Variants in LAMA4 observed in about 807,000 individuals in gnomAD.
The protein encoded by LAMA4 is laminin subunit alpha-4.
LAMA4 carries 127 observed loss-of-function variants against 207.1 expected under a neutral mutation model. That is an observed-to-expected ratio of 0.61 (90% CI 0.53 to 0.71). The LOEUF (loss-of-function observed/expected upper bound fraction) is 0.71. Ranked by LOEUF, LAMA4 falls within the 30% of genes least tolerant of loss-of-function variation. LAMA4 has a pLI of 0.00. For missense variants in LAMA4, 2,093 were observed against 2,246.5 expected (o/e 0.93, Z 1.38); for synonymous variants, 761 against 816.0 (o/e 0.93, Z 1.15).
chr6:112,168,342 G>GTT (rs1781513065), intron 12 of LAMA4, among the ~76,000 whole-genome samples: 1 of 115,734 alleles, frequency 8.6e-6, no homozygotes, highest in Non-Finnish European at 2.0e-5. Context: ...GGCAGCTAGT[G>GTT]TTCTTTTTTT....
intron 5 of LAMA4, chr6:112,196,445 T>C (rs1441431467): frequency 1.3e-5 from 2 of 152,124 alleles, no homozygotes; most frequent in African/African-American, 4.8e-5. Flanking sequence ...GGATAAAAAA[T>C]GTGGGCTGCT....
intron 24 of LAMA4, among the ~76,000 whole-genome samples, chr6:112,137,921 G>C (rs550139139): frequency 6.9e-4 from 105 of 152,120 alleles, no homozygotes; most frequent in African/African-American, 2.3e-3. Context: ...TCAATGTAAG[G>C]GTATTATCAT....
In LAMA4 at chr6:112,130,191, A is replaced by G. The variant is rs1778947178; in HGVS notation, c.3969-151T>C. 4.5e-6 allele frequency: 3 copies of G among 665,970 alleles called. No homozygotes were observed. The South Asian group carries it at 5.2e-5, about 12-fold the overall frequency. The allele number at this position is 665,970 out of a possible 1,614,324, so 41.3% of individuals were successfully genotyped here. On this transcript the variant is annotated intron_variant, in intron 29 of 38. Transcript: ENST00000230538. ...AGTTGCCAAACTCTTCATGAGGCCC[A>G]GGATAAAATGGTTGGATATTTCTAT... is the stretch of plus-strand genomic sequence containing the variant.
chr6:112,228,431 G>A (rs1043637329), intron 2 of LAMA4, among the ~76,000 whole-genome samples: 3 of 152,254 alleles, frequency 2.0e-5, no homozygotes, highest in Middle Eastern at 3.4e-3. Context: ...ATTTCAGGAG[G>A]GGGCTTGTCA....
At chr6:112,114,523 G>A in intron 37 of LAMA4, 140 bp downstream of exon 37, 1 of 722,900 alleles carries the variant, frequency 1.4e-6, no homozygotes, top group Non-Finnish European at 2.5e-6. Context: ...ACACATAATA[G>A]TATAATAACA....
chr6:112,254,249 C>T lies in LAMA4; in HGVS notation c.-99G>A. On this transcript the variant is annotated 5_prime_UTR_variant, in exon 2 of 39. Coordinates refer to ENST00000230538, the MANE Select transcript of LAMA4 (RefSeq NM_001105206.3). ...CGGCGGTGCCTCGCTTATTTTCCCT[C>T]CTCTCCGTGTGCAGTATCCCGAGGT... 1 of 1,488,338 alleles carries T rather than the reference C, an allele frequency of 6.7e-7. No individual in the cohort carries two copies. Among genetic ancestry groups the T allele is most frequent in the Non-Finnish European group, 9.3e-7 (1 of 1,079,450 alleles). 92.2% of individuals were successfully genotyped at this position (1,488,338 alleles called of 1,614,324 possible).
intron 2 of LAMA4, 108 bp from the exon 3 acceptor site, chr6:112,216,577 T>C: frequency 1.3e-6 from 1 of 750,506 alleles, no homozygotes; most frequent in Non-Finnish European, 2.4e-6. Flanking sequence ...TAAACATTTC[T>C]AAAATGAATA....
rs561600435 is a variant in LAMA4, at chr6:112,243,238, C to T, written c.195+10718G>A. The stretch of plus-strand genomic sequence containing the variant: ...TGGGTTGGTAACCTGTGCTGCAGAT[C>T]AGCCCCAGCCCCACATCTGGAGTTG... On this transcript the variant is annotated intron_variant, in intron 2 of 38. Coordinates refer to ENST00000230538, the MANE Select transcript of LAMA4 (RefSeq NM_001105206.3). Among the ~76,000 whole-genome samples, 8 of 152,182 alleles carry T rather than the reference C, an allele frequency of 5.3e-5. No homozygotes were observed. The East Asian group carries it at 1.5e-3, about 29-fold the overall frequency.
intron 38 of LAMA4, among the ~76,000 whole-genome samples, chr6:112,109,989 T>C (rs1777604530): frequency 6.6e-6 from 1 of 152,240 alleles, no homozygotes; most frequent in African/African-American, 2.4e-5. Context: ...TTTTTGGACT[T>C]GGTTAATATT....
intron 22 of LAMA4, 31 bp downstream of exon 22, chr6:112,140,729 T>C (rs782324998): frequency 1.2e-6 from 2 of 1,605,128 alleles, no homozygotes; most frequent in Admixed American, 1.7e-5. Flanking sequence ...TGTAGATTTG[T>C]AATAGGTCAA....
rs1554320555 is a variant in LAMA4, at chr6:112,108,630, AC to A, written c.*806del. The A allele has an allele frequency of 6.6e-6, 1 of 152,182 alleles. No homozygotes were observed. The highest frequency in any genetic ancestry group is 1.5e-5 in the Non-Finnish European group (1 of 68,046). The allele number at this position is 152,182 out of a possible 1,614,324, so 9.4% of individuals were successfully genotyped here. On this transcript the variant is annotated 3_prime_UTR_variant, in exon 39 of 39. Transcript: ENST00000230538. ...ATTATGTTGCCCAGGCTAGGAGCAA[AC>A]TTTTAATAAAAGGACTTGTGTACTC... is the stretch of plus-strand genomic sequence containing the variant.
At chr6:112,158,967 T>C in intron 13 of LAMA4, 87 bp from the exon 14 acceptor site, 1 of 932,548 alleles carries the variant, frequency 1.1e-6, no homozygotes, top group South Asian at 1.4e-5. Context: ...CTCTGTTCTT[T>C]CTTATTATGA....
Position 112,187,520 on chromosome 6 carries a change from A to G in LAMA4, c.896T>C (p.Leu299Pro). The change falls in exon 8 of 39, where the codon CTG (leucine) becomes CCG (proline). Residue 299 changes from leucine (L) to proline (P), a missense_variant. Coordinates refer to ENST00000230538, the MANE Select transcript of LAMA4 (RefSeq NM_001105206.3). ...AGCGGCGGCCCCAGAGGATACGCTC[A>G]GCACCCCGGATTTGCCTTCCTCGAT... Reference protein sequence around the residue: ...LSIEEGKSGVLSVSSGAAAHR... With the variant: ...LSIEEGKSGVPSVSSGAAAHR... 6.2e-7 allele frequency: 1 copy of G among 1,614,134 alleles called. No individual in the cohort carries two copies. The highest frequency in any genetic ancestry group is 8.5e-7 in the Non-Finnish European group (1 of 1,180,004).
chr6:112,231,753 C>T (rs1356416489), intron 2 of LAMA4, among the ~76,000 whole-genome samples: 2 of 152,102 alleles, frequency 1.3e-5, no homozygotes, highest in Non-Finnish European at 2.9e-5. Flanking sequence ...TATGTCTGGC[C>T]CCACCTAACA....
At position 112,139,736 on chromosome 6, in the gene LAMA4, C is replaced by CTT. The variant is rs1779573906; in HGVS notation, c.3110+14_3110+15dup. ...CATGAATATCCAAGTCTTTAGTACT[C>CTT]TTAACTGTCTCTTACCGGGCACATG... On this transcript the variant is annotated intron_variant, in intron 23 of 38. Transcript: ENST00000230538. 1.9e-6 allele frequency: 3 copies of CTT among 1,613,450 alleles called. No individual in the cohort carries two copies. The East Asian group carries it at 6.7e-5, about 36-fold the overall frequency.
chr6:112,170,150 G>A (rs1462748991), intron 12 of LAMA4, among the ~76,000 whole-genome samples: 1 of 152,228 alleles, frequency 6.6e-6, no homozygotes, highest in Non-Finnish European at 1.5e-5. Flanking sequence ...GGCTGAGATC[G>A]AGAACTCACA....
chr6:112,185,141 T>G, intron 9 of LAMA4, 96 bp downstream of exon 9: 1 of 826,096 alleles, frequency 1.2e-6, no homozygotes, highest in African/African-American at 1.7e-5. Flanking sequence ...TTTTCTGGGC[T>G]GTGTTAAGCC....
At chr6:112,166,873 G>GA (rs2114838381) in intron 12 of LAMA4, among the ~76,000 whole-genome samples, 1 of 152,236 alleles carries the variant, frequency 6.6e-6, no homozygotes, top group East Asian at 1.9e-4. Flanking sequence ...CAAAAAAATA[G>GA]AAAAAGTTCC....
At chr6:112,188,079 A>G (rs1296780342) in intron 7 of LAMA4, among the ~76,000 whole-genome samples, 2 of 152,098 alleles carry the variant, frequency 1.3e-5, no homozygotes, top group East Asian at 3.9e-4. Context: ...TCACCTCCAG[A>G]ACCCAGGGCC....
Sources: allele counts gnomAD v4.1 joint callset (sites outside exome capture counted in the v4.1 genomes callset), GRCh38; gene constraint gnomAD v4.1.1; transcripts MANE v1.5; gene names NCBI Gene and HGNC (gene_info 2026-07-23, HGNC 2026-07-21).